CNIH3: variants seen among roughly 807,000 people sequenced by gnomAD.
CNIH3 encodes cornichon family AMPA receptor auxiliary protein 3.
A neutral mutation model predicts 24.1 loss-of-function variants in CNIH3; 14 were observed. The observed-to-expected ratio is 0.58, with a 90% CI of 0.38 to 0.91. The LOEUF is 0.91. Among genes scored for constraint, CNIH3 ranks in the 40% least tolerant of loss-of-function variants. The pLI is 0.00. For missense variants in CNIH3, 178 were observed against 196.8 expected (o/e 0.90, Z 0.57); for synonymous variants, 68 against 73.8 (o/e 0.92, Z 0.40).
chr1:224,602,528 G>A lies in CNIH3; in HGVS notation n.402+36264G>A, dbSNP rs889590765. Reference sequence around the variant, plus strand: ...ATGTGATTGCCATTCTGAAGAATATGTAAGTTGTCTGGGAAGAATAATAAT... The same window carrying A: ...ATGTGATTGCCATTCTGAAGAATATATAAGTTGTCTGGGAAGAATAATAAT... On this transcript the variant is annotated intron_variant and non_coding_transcript_variant, in intron 3 of 7. Coordinates refer to the CNIH3 transcript ENST00000478120. Among the ~76,000 whole-genome samples the A allele has an allele frequency of 1.4e-4, 22 of 152,210 alleles. 2 individuals carry two copies. Among genetic ancestry groups the A allele is most frequent in the Admixed American group, 1.4e-3 (21 of 15,280 alleles).
intron 4 of CNIH3, among the ~76,000 whole-genome samples, chr1:224,566,493 G>A (rs992956528): frequency 3.9e-5 from 6 of 151,900 alleles, no homozygotes; most frequent in Non-Finnish European, 8.8e-5. Context: ...TCTACATTAG[G>A]TATTTCTCCT....
chr1:224,503,947 C>T (rs1324537979), intron 1 of CNIH3, among the ~76,000 whole-genome samples: 1 of 152,218 alleles, frequency 6.6e-6, no homozygotes, highest in Admixed American at 6.5e-5. Flanking sequence ...GGAAGGCAAA[C>T]TTGGAGGTGG....
intron 4 of CNIH3, among the ~76,000 whole-genome samples, chr1:224,568,930 T>C (rs981732369): frequency 2.0e-5 from 3 of 152,156 alleles, no homozygotes; most frequent in Non-Finnish European, 4.4e-5. Flanking sequence ...TGAAGTACAA[T>C]GGAGCGATCT....
At chr1:224,550,841 C>T (rs1034595956) in intron 3 of CNIH3, among the ~76,000 whole-genome samples, 1 of 150,790 alleles carries the variant, frequency 6.6e-6, no homozygotes, top group South Asian at 2.1e-4. Context: ...TCTCCTAATG[C>T]TATCCCTCCC....
chr1:224,600,724 A>G (rs1331353260), intron 3 of CNIH3, among the ~76,000 whole-genome samples: 2 of 152,228 alleles, frequency 1.3e-5, no homozygotes, highest in Non-Finnish European at 2.9e-5. Context: ...CCCAAAATTC[A>G]TATGCTGAAT....
At chr1:224,677,092 C>T (rs998753196) in intron 1 of CNIH3, among the ~76,000 whole-genome samples, 2 of 152,220 alleles carry the variant, frequency 1.3e-5, no homozygotes, top group South Asian at 2.1e-4. Flanking sequence ...AACTTAACTA[C>T]TTTGGGCCTC....
intron 4 of CNIH3, among the ~76,000 whole-genome samples, chr1:224,579,106 G>T (rs1681162890): frequency 7.3e-6 from 1 of 137,478 alleles, no homozygotes. Flanking sequence ...CTCTGCCTTT[G>T]GCTCTATTTC....
At chr1:224,722,676 A>T (rs1368453887) in intron 3 of CNIH3, among the ~76,000 whole-genome samples, 1 of 152,144 alleles carries the variant, frequency 6.6e-6, no homozygotes, top group Non-Finnish European at 1.5e-5. Context: ...GGGGGAGTGC[A>T]GTCAGCAATC....
At chr1:224,556,537 T>C (rs895387742) in intron 3 of CNIH3, among the ~76,000 whole-genome samples, 4 of 152,222 alleles carry the variant, frequency 2.6e-5, no homozygotes, top group African/African-American at 7.2e-5. Context: ...GGGACTGGTT[T>C]CATGGAAGAT....
chr1:224,562,859 A>G (rs1572482600), intron 3 of CNIH3, among the ~76,000 whole-genome samples: 1 of 152,192 alleles, frequency 6.6e-6, no homozygotes. Flanking sequence ...CTAACAGGCC[A>G]CAGACTGATA....
intron 2 of CNIH3, among the ~76,000 whole-genome samples, chr1:224,533,022 G>C (rs1679134744): frequency 6.6e-6 from 1 of 152,128 alleles, no homozygotes; most frequent in African/African-American, 2.4e-5. Flanking sequence ...TATTATGTGA[G>C]TCTATTCAGG....
chr1:224,442,568 C>T (rs926961557), intron 1 of CNIH3, among the ~76,000 whole-genome samples: 4 of 152,006 alleles, frequency 2.6e-5, no homozygotes, highest in African/African-American at 9.7e-5. Context: ...CCTGTGATGG[C>T]GCATGTCCAC....
chr1:224,514,199 A>G (rs1258870302), upstream of CNIH3, among the ~76,000 whole-genome samples: 2 of 152,234 alleles, frequency 1.3e-5, no homozygotes, highest in African/African-American at 2.4e-5. Context: ...ACCAAGAGGT[A>G]TAAAATGATC....
chr1:224,647,074 C>A (rs900438061), intron 1 of CNIH3, among the ~76,000 whole-genome samples: 10 of 152,100 alleles, frequency 6.6e-5, no homozygotes, highest in African/African-American at 2.4e-4. Context: ...GCAACCTCCA[C>A]CTCCTGGGTC....
At chr1:224,682,304 G>A (rs918042850) in intron 2 of CNIH3, among the ~76,000 whole-genome samples, 6 of 152,132 alleles carry the variant, frequency 3.9e-5, no homozygotes, top group African/African-American at 9.7e-5. Context: ...AAATGGACTC[G>A]TTTGTACAGG....
intron 5 of CNIH3, among the ~76,000 whole-genome samples, chr1:224,583,594 G>T (rs1158729111): frequency 1.3e-5 from 2 of 152,182 alleles, no homozygotes; most frequent in African/African-American, 4.8e-5. Flanking sequence ...ACACCAAGTT[G>T]TTTGGTTTAG....
At chr1:224,570,183 A>G (rs1680759232) in intron 4 of CNIH3, among the ~76,000 whole-genome samples, 1 of 152,190 alleles carries the variant, frequency 6.6e-6, no homozygotes, top group Non-Finnish European at 1.5e-5. Context: ...TTCAATTTCT[A>G]TTTTAGATTC....
Position 224,739,438 on chromosome 1 carries a change from A to G in CNIH3, c.*82A>G. 2 of 1,577,326 alleles carry G rather than the reference A, an allele frequency of 1.3e-6. No homozygotes were observed. The highest frequency in any genetic ancestry group is 8.6e-7 in the Non-Finnish European group (1 of 1,168,972). ...GTGCATTTCTGCTGGTGACTGGAGGAGGGACCAGAATGAGGATACGTGAGA... is the reference window on the plus strand; with the variant it reads ...GTGCATTTCTGCTGGTGACTGGAGGGGGGACCAGAATGAGGATACGTGAGA... On this transcript the variant is annotated 3_prime_UTR_variant, in exon 6 of 6. Coordinates refer to ENST00000272133, the MANE Select transcript of CNIH3 (RefSeq NM_152495.2).
At chr1:224,652,297 C>T (rs1248038726) in intron 1 of CNIH3, among the ~76,000 whole-genome samples, 2 of 152,002 alleles carry the variant, frequency 1.3e-5, no homozygotes, top group Admixed American at 1.3e-4. Flanking sequence ...TGGACTGGGA[C>T]TGGACATAAG....
Sources: gnomAD v4.1 joint callset for allele counts (sites outside exome capture counted in the v4.1 genomes callset) on GRCh38, gnomAD v4.1.1 for gene constraint, MANE v1.5 for transcripts, NCBI Gene and HGNC (gene_info 2026-07-23, HGNC 2026-07-21) for gene names.